The following OPN4 variants were observed in gnomAD, a reference collection of about 807,000 sequenced individuals.
The protein encoded by OPN4 is melanopsin.
Under a neutral mutation model 49.5 loss-of-function variants are expected in OPN4, and 43 were observed. The observed-to-expected ratio is 0.87, with a 90% CI of 0.68 to 1.12. The LOEUF is 1.12. OPN4 is among the 50% of genes most tolerant of loss of function. The pLI, the probability that OPN4 is intolerant of heterozygous loss-of-function variation, is 0.00. For synonymous variants in OPN4, 263 were observed against 258.0 expected (o/e 1.02, Z -0.19); for missense variants, 657 against 643.9 (o/e 1.02, Z -0.22).
chr10:86,658,790 G>A (rs549381710), intron 4 of OPN4, 103 bp downstream of exon 4: 4 of 1,212,358 alleles, frequency 3.3e-6, no homozygotes, highest in South Asian at 1.3e-5. Flanking sequence ...GGAGCAGGGT[G>A]CCCAGGAGCT....
intron 3 of OPN4, 48 bp from the exon 4 acceptor site, chr10:86,658,436 T>C: frequency 1.3e-6 from 2 of 1,591,158 alleles, no homozygotes; most frequent in Non-Finnish European, 1.7e-6. Flanking sequence ...GTCTACCCTG[T>C]CCCCAGACCC....
At chr10:86,662,635 C>T (rs1015832686) in intron 8 of OPN4, among the ~76,000 whole-genome samples, 2 of 152,236 alleles carry the variant, frequency 1.3e-5, no homozygotes, top group African/African-American at 4.8e-5. Flanking sequence ...GCACTAGGGC[C>T]AGAGCGGGGA....
In OPN4 at chr10:86,665,643, G is replaced by A. The variant is rs35357978; in HGVS notation, c.1399-70G>A. ...CCACTGCTCGGTGACCCAGTGTGTG[G>A]AGGGTCATCGGGAGACTGCCCCCAG... On this transcript the variant is annotated intron_variant, in intron 9 of 9. Transcript: ENST00000241891. 1,756 of 1,307,006 alleles carry A rather than the reference G, an allele frequency of 1.3e-3. 22 individuals are homozygous for A. The African/African-American group carries it at 0.023, about 17-fold the overall frequency. The allele number at this position is 1,307,006 out of a possible 1,614,324, so 81.0% of individuals were successfully genotyped here. A position where few individuals can be genotyped will look rare whatever the true frequency, so the allele number is the denominator to read the frequency against.
intron 1 of OPN4, among the ~76,000 whole-genome samples, chr10:86,655,724 C>T (rs1843846430): frequency 6.6e-6 from 1 of 152,222 alleles, no homozygotes; most frequent in Admixed American, 6.5e-5. Flanking sequence ...AGGGGCTCCA[C>T]CCGACTCACC....
At chr10:86,661,771 G>A (rs1378591079) in intron 7 of OPN4, among the ~76,000 whole-genome samples, 3 of 150,190 alleles carry the variant, frequency 2.0e-5, no homozygotes, top group Non-Finnish European at 4.4e-5. Context: ...GGGCCTGGCA[G>A]GAGCCTGGGG....
chr10:86,663,580 A>C (rs999128007), intron 8 of OPN4, 79 bp from the exon 9 acceptor site: 1 of 1,314,680 alleles, frequency 7.6e-7, no homozygotes, highest in Non-Finnish European at 1.0e-6. Context: ...AGGATGAAGG[A>C]GGGCCTGGTG....
Position 86,660,010 on chromosome 10 carries a change from G to T in OPN4, c.916G>T (p.Val306Leu). 1 of 1,614,216 alleles carries T rather than the reference G, an allele frequency of 6.2e-7. No individual in the cohort carries two copies. Among genetic ancestry groups the T allele is most frequent in the Non-Finnish European group, 8.5e-7 (1 of 1,180,034 alleles). ...CATGCTGCTGGTCATCCTCCTCTTC[G>T]TGCTCTCCTGGGCTCCCTATTCCGC... ...KIMLLVILLF[V>L]LSWAPYSAVA... Residue 306 changes from valine (V) to leucine (L), a missense_variant, in exon 6 of 10, where the codon GTG (valine) becomes TTG (leucine). Transcript: ENST00000241891.
chr10:86,657,356 G>A, intron 2 of OPN4: 1 of 680,468 alleles, frequency 1.5e-6, no homozygotes. Flanking sequence ...CCTCAGGGTA[G>A]ATGCAAAGAT....
At chr10:86,655,260 C>T (rs1843837464) in intron 1 of OPN4, among the ~76,000 whole-genome samples, 1 of 152,162 alleles carries the variant, frequency 6.6e-6, no homozygotes, top group Admixed American at 6.5e-5. Context: ...GGGAGGAGGG[C>T]ACACCCTGGG....
chr10:86,664,016 A>ATGTG (rs34715539), intron 9 of OPN4: 6 of 499,376 alleles, frequency 1.2e-5, no homozygotes, highest in East Asian at 6.3e-5. Context: ...TGGTCTGCAC[A>ATGTG]TGTGTGTGTG....
At chr10:86,659,245 G>A (rs752437361) in intron 4 of OPN4, 52 bp from the exon 5 acceptor site, 36 of 1,445,414 alleles carry the variant, frequency 2.5e-5, no homozygotes, top group Non-Finnish European at 3.4e-5. Flanking sequence ...TGCCAGATAA[G>A]GAGCCGTGGT....
At chr10:86,657,676 C>A (rs1242254848) in intron 2 of OPN4, among the ~76,000 whole-genome samples, 1 of 152,122 alleles carries the variant, frequency 6.6e-6, no homozygotes, top group East Asian at 1.9e-4. Flanking sequence ...TGGTGTGAGT[C>A]GTGCAGAGGA....
chr10:86,656,157 A>T lies in OPN4; in HGVS notation c.147A>T (p.Ala49=). The T allele has an allele frequency of 6.2e-7, 1 of 1,614,154 alleles. No homozygotes were observed. Among genetic ancestry groups the T allele is most frequent in the Non-Finnish European group, 8.5e-7 (1 of 1,180,012 alleles). ...LGRLPSISPT[A]PGTWAAAWVP... ...CTCGTTTCTCTGTCTCTCCGCAGGC[A>T]CCTGGGACTTGGGCTGCTGCCTGGG... The change falls in exon 2 of 10, where the codon GCA becomes GCT. Residue 49 remains alanine, a splice_region_variant and synonymous_variant. Coordinates refer to ENST00000241891, the MANE Select transcript of OPN4 (RefSeq NM_033282.4).
Position 86,659,426 on chromosome 10 carries a change from A to G in OPN4, c.758A>G (p.Tyr253Cys). ...VFFLPLLIII[Y>C]CYIFIFRAIR... ...TTCCTCCCTCTGCTTATCATCATCT[A>G]CTGCTACATCTTCATCTTCAGGGCC... The change falls in exon 5 of 10, where the codon TAC becomes TGC. Residue 253 changes from tyrosine to cysteine, a missense_variant. Transcript: ENST00000241891. 1 of 1,613,686 alleles carries G rather than the reference A, an allele frequency of 6.2e-7. No homozygotes were observed. Among genetic ancestry groups the G allele is most frequent in the Non-Finnish European group, 8.5e-7 (1 of 1,179,752 alleles).
intron 4 of OPN4, among the ~76,000 whole-genome samples, 180 bp from the exon 5 acceptor site, chr10:86,659,117 G>A (rs1843939682): frequency 6.6e-6 from 1 of 152,210 alleles, no homozygotes. Context: ...TAGCAGGAAT[G>A]GGAGGCAGTG....
At chr10:86,659,503 G>A in intron 5 of OPN4, 35 bp downstream of exon 5, 4 of 1,605,868 alleles carry the variant, frequency 2.5e-6, no homozygotes, top group Non-Finnish European at 2.5e-6. Flanking sequence ...CTACAGGAGG[G>A]GGACCGGCCC....
chr10:86,658,899 G>T (rs2132302639), intron 4 of OPN4, among the ~76,000 whole-genome samples: 1 of 152,300 alleles, frequency 6.6e-6, no homozygotes, highest in Non-Finnish European at 1.5e-5. Flanking sequence ...CTGGGCAACT[G>T]ATCCCAAAAT....
chr10:86,657,014 C>T (rs1373044811), intron 2 of OPN4, among the ~76,000 whole-genome samples: 1 of 151,136 alleles, frequency 6.6e-6, no homozygotes, highest in Non-Finnish European at 1.5e-5. Flanking sequence ...ACACCCCTGA[C>T]ACCCACCCCC....
chr10:86,662,350 C>A lies in OPN4; in HGVS notation c.1172C>A (p.Ser391Tyr). The A allele has an allele frequency of 6.3e-7, 1 of 1,594,498 alleles. No homozygotes were observed. Among genetic ancestry groups the A allele is most frequent in the Admixed American group, 1.8e-5 (1 of 57,096 alleles). The part of the protein sequence containing the change: ...PYPSYRSTHR[S>Y]TLTSHTSNLS... ...CCCAGCTACCGCTCCACCCACCGCT[C>A]CACGCTGACCAGCCACACCTCCAAC... Residue 391 changes from serine to tyrosine, a missense_variant, in exon 8 of 10, where the codon TCC becomes TAC. Coordinates refer to ENST00000241891, the MANE Select transcript of OPN4 (RefSeq NM_033282.4).
Sources: allele counts gnomAD v4.1 joint callset (sites outside exome capture counted in the v4.1 genomes callset), GRCh38; gene constraint gnomAD v4.1.1; transcripts MANE v1.5; gene names NCBI Gene and HGNC (gene_info 2026-07-23, HGNC 2026-07-21).